CA4: variants seen among roughly 807,000 people sequenced by gnomAD.
The protein encoded by CA4 is carbonic anhydrase 4.
In CA4, 24 loss-of-function variants were observed where a neutral mutation model predicts 34.5. The observed-to-expected ratio is 0.70, with a 90% CI of 0.50 to 0.98. CA4 has a LOEUF of 0.98. Ranked by LOEUF, CA4 falls within the 50% of genes least tolerant of loss-of-function variation. The probability of loss-of-function intolerance (pLI) is 0.00; values close to 1 mark genes in which losing one functional copy is unlikely to be tolerated. For missense variants in CA4, 394 were observed against 396.7 expected (o/e 0.99, Z 0.06); for synonymous variants, 178 against 170.6 (o/e 1.04, Z -0.34).
downstream of CA4, among the ~76,000 whole-genome samples, chr17:60,164,116 G>GAAA (rs996409265): frequency 7.2e-6 from 1 of 138,102 alleles, no homozygotes. Flanking sequence ...CTCAAAAAAG[G>GAAA]AAAAAAAAAA....
downstream of CA4, among the ~76,000 whole-genome samples, chr17:60,163,234 G>A (rs2083813662): frequency 6.6e-6 from 1 of 152,086 alleles, no homozygotes. Flanking sequence ...CGTGCAGGCT[G>A]CCGTGTCTTA....
intron 5 of CA4, among the ~76,000 whole-genome samples, chr17:60,165,504 C>T (rs1263421077): frequency 6.6e-6 from 1 of 152,152 alleles, no homozygotes; most frequent in African/African-American, 2.4e-5. Context: ...AAAGAAGGGG[C>T]TCTCGGCCAG....
chr17:60,175,189 A>ATTTTTTTTTTTTTTTTTT (rs555031745), downstream of CA4, among the ~76,000 whole-genome samples: 224 of 107,608 alleles, frequency 2.1e-3, 24 homozygotes, highest in African/African-American at 1.0e-2. Context: ...CACCCAGCTG[A>ATTTTTTTTTTTTTTTTTT]TTTTTTTTTT....
downstream of CA4, among the ~76,000 whole-genome samples, chr17:60,174,162 A>G (rs1422265083): frequency 6.6e-6 from 1 of 151,608 alleles, no homozygotes; most frequent in East Asian, 1.9e-4. Context: ...ACTGGGCGTT[A>G]GAAATCTGAA....
At chr17:60,155,811 G>A (rs936571331) in intron 2 of CA4, among the ~76,000 whole-genome samples, 1 of 152,212 alleles carries the variant, frequency 6.6e-6, no homozygotes, top group Non-Finnish European at 1.5e-5. Flanking sequence ...ATCGGTAGCA[G>A]CATTAAAGGA....
In CA4 at chr17:60,157,725, G is replaced by A. The variant is rs201148452; in HGVS notation, c.450G>A (p.Ser150=). The A allele has an allele frequency of 1.1e-5, 18 of 1,613,992 alleles. No individual in the cohort carries two copies. The highest frequency in any genetic ancestry group is 5.3e-5 in the African/African-American group (4 of 74,936). The part of the protein sequence containing the change: ...HIVHEKEKGT[S]RNVKEAQDPE... ...TACATGAGAAAGAGAAGGGGACATC[G>A]AGGAATGTGAAAGAGGCCCAGGACC... is the stretch of plus-strand genomic sequence containing the variant. The change falls in exon 5 of 8, where the codon TCG becomes TCA. Residue 150 remains serine (S), a synonymous_variant. Transcript: ENST00000300900.
downstream of CA4, among the ~76,000 whole-genome samples, chr17:60,172,712 C>T (rs559278189): frequency 2.0e-5 from 3 of 152,014 alleles, no homozygotes; most frequent in East Asian, 1.9e-4. Context: ...GGTGTGGTGG[C>T]GTGCGGCTGC....
chr17:60,164,710 T>A (rs1164301173), intron 5 of CA4, among the ~76,000 whole-genome samples: 1 of 151,862 alleles, frequency 6.6e-6, no homozygotes, highest in Non-Finnish European at 1.5e-5. Flanking sequence ...CAACAAACAC[T>A]ATTATTTCCT....
rs745324739 is a variant in CA4, at chr17:60,158,321, C to T, written c.619C>T (p.Leu207=). 12 of 1,614,162 alleles carry T rather than the reference C, an allele frequency of 7.4e-6. No homozygotes were observed. The East Asian group carries it at 1.3e-4, about 18-fold the overall frequency. ...GATGGCAGAGAGCAGCCTGTTGGACCTGCTCCCCAAGGAGGAGAAACTGAG... is the reference window on the plus strand; with the variant it reads ...GATGGCAGAGAGCAGCCTGTTGGACTTGCTCCCCAAGGAGGAGAAACTGAG... The part of the protein sequence containing the change: ...TTMAESSLLD[L]LPKEEKLRHY... Residue 207 remains leucine (L), a synonymous_variant, in exon 7 of 8, where the codon CTG becomes TTG. Coordinates refer to ENST00000300900, the MANE Select transcript of CA4 (RefSeq NM_000717.5).
At position 60,150,158 on chromosome 17, in the gene CA4, C is replaced by T. The variant is rs369914684; in HGVS notation, c.58+66C>T. On this transcript the variant is annotated intron_variant, in intron 1 of 7. Transcript: ENST00000300900. ...CCCCTCCGTGCCCCCAGCTCCCGCC[C>T]CTGCAGAGGATCCCCCCGCGGGCGA... The T allele has an allele frequency of 1.6e-5, 22 of 1,339,118 alleles. No homozygotes were observed. The East Asian group carries it at 5.3e-4, about 32-fold the overall frequency. 83.0% of individuals were successfully genotyped at this position (1,339,118 alleles called of 1,614,324 possible).
At chr17:60,168,324 T>G (rs1249562957) in intron 5 of CA4, among the ~76,000 whole-genome samples, 2 of 62,172 alleles carry the variant, frequency 3.2e-5, no homozygotes, top group Admixed American at 2.2e-4. Context: ...TTTTATTTTT[T>G]GGGGGGGAGG....
At chr17:60,156,910 G>A in intron 3 of CA4, 195 bp downstream of exon 3, 1 of 641,098 alleles carries the variant, frequency 1.6e-6, no homozygotes. Flanking sequence ...TGTCAGACCA[G>A]TCTGGGATGT....
At chr17:60,168,215 G>C (rs1394853642) in intron 5 of CA4, among the ~76,000 whole-genome samples, 2 of 136,348 alleles carry the variant, frequency 1.5e-5, no homozygotes, top group African/African-American at 2.7e-5. Flanking sequence ...TTTTTGGGGG[G>C]GCGTGGGGAA....
At chr17:60,153,796 G>A (rs1262596571) in intron 1 of CA4, among the ~76,000 whole-genome samples, 2 of 152,236 alleles carry the variant, frequency 1.3e-5, no homozygotes, top group Non-Finnish European at 2.9e-5. Context: ...CATGGGGGTG[G>A]TTCAGGTGCA....
chr17:60,158,274 C>G lies in CA4; in HGVS notation c.581-9C>G. ...CCCTCACTGACAGTGTCCTCTGCCC[C>G]TATCTCAGAGATGAGCACTACGATG... On this transcript the variant is annotated splice_polypyrimidine_tract_variant and intron_variant, in intron 6 of 7. Transcript: ENST00000300900. 1 of 1,614,054 alleles carries G rather than the reference C, an allele frequency of 6.2e-7. No individual in the cohort carries two copies. Among genetic ancestry groups the G allele is most frequent in the Non-Finnish European group, 8.5e-7 (1 of 1,179,938 alleles).
chr17:60,159,600 C>T, downstream of CA4: 1 of 718,876 alleles, frequency 1.4e-6, no homozygotes, highest in South Asian at 1.7e-5. Flanking sequence ...TGTCCCCCTC[C>T]ACCCACCCCT....
At position 60,155,356 on chromosome 17, in the gene CA4, A is replaced by C. The variant is rs1597989786; in HGVS notation, c.101A>C (p.Tyr34Ser). ...CYEVQAESSN[Y>S]PCLVPVKWGG... ...GAGGTTCAAGCCGAGTCCTCCAACT[A>C]CCCCTGCTTGGGTGAGTACAGCCAG... Residue 34 changes from tyrosine (Y) to serine (S), a missense_variant, in exon 2 of 8, where the codon TAC becomes TCC. Coordinates refer to ENST00000300900, the MANE Select transcript of CA4 (RefSeq NM_000717.5). 6.2e-7 allele frequency: 1 copy of C among 1,608,092 alleles called. No individual in the cohort carries two copies.
chr17:60,154,212 G>C (rs996775477), intron 1 of CA4, among the ~76,000 whole-genome samples: 8 of 119,424 alleles, frequency 6.7e-5, no homozygotes, highest in Non-Finnish European at 9.6e-5. Context: ...CTTGGCTTTG[G>C]CCATCTGCTC....
chr17:60,156,412 C>T, intron 2 of CA4, 148 bp from the exon 3 acceptor site: 1 of 800,964 alleles, frequency 1.2e-6, no homozygotes, highest in South Asian at 1.4e-5. Context: ...GAGTTCGGAG[C>T]TGAGCATCCC....
Sources: allele counts gnomAD v4.1 joint callset (sites outside exome capture counted in the v4.1 genomes callset), GRCh38; gene constraint gnomAD v4.1.1; transcripts MANE v1.5; gene names NCBI Gene and HGNC (gene_info 2026-07-23, HGNC 2026-07-21).